The following PCDHGA3 variants were observed in gnomAD, a reference collection of about 807,000 sequenced individuals.
The protein encoded by PCDHGA3 is protocadherin gamma subfamily A, 3.
PCDHGA3 carries 40 observed loss-of-function variants against 58.5 expected under a neutral mutation model. The observed-to-expected ratio is 0.68, with a 90% CI of 0.53 to 0.89. PCDHGA3 has a LOEUF of 0.89. PCDHGA3 is among the 40% of genes least tolerant of loss of function. The probability of loss-of-function intolerance (pLI) is 0.00; values close to 1 mark genes in which losing one functional copy is unlikely to be tolerated. For missense variants in PCDHGA3, 1,223 were observed against 1,195.9 expected, an observed-to-expected ratio of 1.02 and a Z score of -0.33; for synonymous variants, 530 against 525.7, an observed-to-expected ratio of 1.01 and a Z score of -0.11.
At position 141,357,420 on chromosome 5, in the gene PCDHGA3, T is replaced by C. The variant is rs754113080; in HGVS notation, c.2424+10963T>C. ...TGGCAGGTGTGCCTGCCTCGCACTT[T>C]GTGGGCGTGGACGGGGTTCGGGCTT... On this transcript the variant is annotated intron_variant, in intron 1 of 3. Transcript: ENST00000253812. 1.5e-5 allele frequency: 25 copies of C among 1,614,132 alleles called. No homozygotes were observed. In the East Asian group the frequency reaches 3.8e-4, roughly 24 times the overall value.
At chr5:141,484,916 CCTG>C (rs34524370) in intron 1 of PCDHGA3, 64,782 of 456,708 alleles carry the variant, frequency 0.14, 4,878 homozygotes, top group African/African-American at 0.18. Context: ...ACGCATTAAC[CCTG>C]CTGCTGTTGG....
In PCDHGA3 at chr5:141,498,823, C is replaced by A. The variant is rs540865523; in HGVS notation, c.2483+3958C>A. ...TGGTGCACACCTGTAGTCCCAGCTA[C>A]TCAGGAGGCTGAGGCAGGGGAATCG... On this transcript the variant is annotated intron_variant, in intron 2 of 3. Coordinates refer to ENST00000253812, the MANE Select transcript of PCDHGA3 (RefSeq NM_018916.4). Among the ~76,000 whole-genome samples the A allele has an allele frequency of 9.2e-5, 14 of 152,166 alleles. No homozygotes were observed. The East Asian group carries it at 1.5e-3, about 17-fold the overall frequency.
At chr5:141,466,528 T>C (rs1171715691) in intron 1 of PCDHGA3, among the ~76,000 whole-genome samples, 1 of 152,204 alleles carries the variant, frequency 6.6e-6, no homozygotes, top group African/African-American at 2.4e-5. Context: ...TCCTCCCAAA[T>C]TGATGTAGAT....
chr5:141,371,145 G>T lies in PCDHGA3; in HGVS notation c.2424+24688G>T, dbSNP rs144065486. The T allele has an allele frequency of 2.5e-6, 4 of 1,613,912 alleles. No homozygotes were observed. In the African/African-American group the frequency reaches 5.3e-5, roughly 22 times the overall value. On this transcript the variant is annotated intron_variant, in intron 1 of 3. Coordinates refer to ENST00000253812, the MANE Select transcript of PCDHGA3 (RefSeq NM_018916.4). ...TACTCAGGACATGTACAGGGTCAAT[G>T]TTGCAGAGAACCTGCCCGCTGGCTC...
At chr5:141,373,460 C>G (rs919686552) in intron 1 of PCDHGA3, among the ~76,000 whole-genome samples, 2 of 152,198 alleles carry the variant, frequency 1.3e-5, no homozygotes, top group African/African-American at 4.8e-5. Flanking sequence ...GAGGTAGCAG[C>G]TGCAATGAGC....
At chr5:141,439,524 A>T (rs774174912) in intron 1 of PCDHGA3, among the ~76,000 whole-genome samples, 2 of 152,114 alleles carry the variant, frequency 1.3e-5, no homozygotes, top group Admixed American at 6.5e-5. Flanking sequence ...AACTAACTCT[A>T]CAGAACGCTG....
intron 1 of PCDHGA3, chr5:141,393,751 C>A (rs1159377259): frequency 6.2e-7 from 1 of 1,613,846 alleles, no homozygotes; most frequent in Non-Finnish European, 8.5e-7. Flanking sequence ...GAAGAATGTT[C>A]ATTTTATGAA....
intron 1 of PCDHGA3, among the ~76,000 whole-genome samples, chr5:141,430,159 A>G (rs1324343997): frequency 6.6e-6 from 1 of 152,176 alleles, no homozygotes; most frequent in Non-Finnish European, 1.5e-5. Context: ...CAAGGAATCT[A>G]TTTAAAAATA....
chr5:141,355,482 G>T (rs777055762), intron 1 of PCDHGA3: 2 of 1,614,076 alleles, frequency 1.2e-6, no homozygotes, highest in South Asian at 2.2e-5. Context: ...ACAGGGAGGA[G>T]CTCTGCGACA....
intron 1 of PCDHGA3, chr5:141,370,790 C>G: frequency 6.2e-7 from 1 of 1,614,040 alleles, no homozygotes; most frequent in East Asian, 2.2e-5. Context: ...ACCCACCGAC[C>G]TTTAGCCAAA....
intron 1 of PCDHGA3, chr5:141,441,662 C>T: frequency 3.8e-6 from 1 of 260,740 alleles, no homozygotes; most frequent in Non-Finnish European, 7.7e-6. Flanking sequence ...TGTCCTTGAG[C>T]GCACAGTGCG....
intron 1 of PCDHGA3, among the ~76,000 whole-genome samples, chr5:141,387,171 G>A (rs1194101631): frequency 6.6e-6 from 1 of 152,156 alleles, no homozygotes; most frequent in Non-Finnish European, 1.5e-5. Flanking sequence ...AGTATAAATT[G>A]CACCTTCTAA....
At chr5:141,441,779 C>T in intron 1 of PCDHGA3, 2 of 390,030 alleles carry the variant, frequency 5.1e-6, no homozygotes, top group South Asian at 2.0e-5. Context: ...TGGTGGACGA[C>T]CTGAATGACA....
At position 141,409,100 on chromosome 5, in the gene PCDHGA3, A is replaced by G. The variant is rs1341878280; in HGVS notation, c.2424+62643A>G. ...GTTCTCATTGGATGAGAAAACAGGT[A>G]TGATTAAGAATAACCAGTCATTTGA... is the stretch of plus-strand genomic sequence containing the variant. On this transcript the variant is annotated intron_variant, in intron 1 of 3. Transcript: ENST00000253812. The G allele has an allele frequency of 6.8e-6, 11 of 1,613,934 alleles. No homozygotes were observed. In the Admixed American group the frequency reaches 1.0e-4, roughly 15 times the overall value.
In PCDHGA3 at chr5:141,489,958, C is replaced by T; in HGVS notation, c.2425-4849C>T. 1 of 1,614,202 alleles carries T rather than the reference C, an allele frequency of 6.2e-7. No individual in the cohort carries two copies. The highest frequency in any genetic ancestry group is 8.5e-7 in the Non-Finnish European group (1 of 1,180,016). On this transcript the variant is annotated intron_variant, in intron 1 of 3. Transcript: ENST00000253812. This position sits in a 1 kb window ranked among gnomAD's most constrained non-coding sequence, Gnocchi z 4.5. ...CGTGCTGGACATCAATGATAATGCT[C>T]CAACCTTCCAATCCTCAGTTCTACG... is the stretch of plus-strand genomic sequence containing the variant.
chr5:141,415,189 A>T (rs575244490), intron 1 of PCDHGA3: 2 of 1,613,840 alleles, frequency 1.2e-6, no homozygotes, highest in Non-Finnish European at 1.7e-6. Context: ...GGCCGACAGC[A>T]TCCCCCAAGT....
chr5:141,370,832 T>C, intron 1 of PCDHGA3: 1 of 1,614,018 alleles, frequency 6.2e-7, no homozygotes. Flanking sequence ...GCGAACTGGC[T>C]CTCACTGGAG....
At chr5:141,478,090 C>T in intron 1 of PCDHGA3, 2 of 1,614,108 alleles carry the variant, frequency 1.2e-6, no homozygotes, top group Non-Finnish European at 1.7e-6. Flanking sequence ...CGCTCTCCAC[C>T]ACTGCTACCC....
At chr5:141,409,484 G>A in intron 1 of PCDHGA3, 1 of 1,613,974 alleles carries the variant, frequency 6.2e-7, no homozygotes, top group Non-Finnish European at 8.5e-7. Flanking sequence ...CACTGACAGG[G>A]GCAAGCCGCC....
Sources: allele counts gnomAD v4.1 joint callset (sites outside exome capture counted in the v4.1 genomes callset), GRCh38; gene constraint gnomAD v4.1.1; non-coding constraint Gnocchi (gnomAD v3.1); transcripts MANE v1.5; gene names NCBI Gene and HGNC (gene_info 2026-07-23, HGNC 2026-07-21).